Variants in RUFY2 observed in about 807,000 individuals in gnomAD.
RUFY2 encodes the protein RUN and FYVE domain-containing protein 2.
A neutral mutation model predicts 94.4 loss-of-function variants in RUFY2; 49 were observed. The ratio of observed to expected loss-of-function variants is 0.52; its 90% CI spans 0.41 to 0.66. The LOEUF (loss-of-function observed/expected upper bound fraction) is 0.66. Among genes scored for constraint, RUFY2 ranks in the 30% least tolerant of loss-of-function variants. The pLI, the probability that RUFY2 is intolerant of heterozygous loss-of-function variation, is 0.00. For missense variants in RUFY2, 541 were observed against 692.8 expected, an observed-to-expected ratio of 0.78 and a Z score of 2.46; for synonymous variants, 255 against 235.7, an observed-to-expected ratio of 1.08 and a Z score of -0.75.
chr10:68,347,067 T>G (rs1437855984), intron 16 of RUFY2, among the ~76,000 whole-genome samples: 2 of 151,828 alleles, frequency 1.3e-5, no homozygotes, highest in African/African-American at 2.4e-5. Context: ...TGCAGTGAAC[T>G]ATGACTCAGG....
intron 1 of RUFY2, chr10:68,406,985 C>A: frequency 6.5e-7 from 1 of 1,527,966 alleles, no homozygotes; most frequent in South Asian, 1.2e-5. Context: ...CGGGAACGGG[C>A]CGGAACAAGG....
chr10:68,407,020 C>A, intron 1 of RUFY2, 166 bp downstream of exon 1: 1 of 1,487,256 alleles, frequency 6.7e-7, no homozygotes, highest in Non-Finnish European at 8.9e-7. Flanking sequence ...CCATGACGAC[C>A]CCGGGAGCCC....
intron 4 of RUFY2, 110 bp downstream of exon 4, chr10:68,396,670 T>C (rs1052161770): frequency 6.4e-6 from 4 of 627,286 alleles, no homozygotes; most frequent in Admixed American, 3.0e-5. Context: ...TTATTTTATA[T>C]CATTTTATTA....
intron 13 of RUFY2, among the ~76,000 whole-genome samples, chr10:68,375,213 C>CA (rs2048543428): frequency 6.8e-6 from 1 of 146,440 alleles, no homozygotes; most frequent in Non-Finnish European, 1.5e-5. Context: ...AACAACACAG[C>CA]AAGACTCCAT....
chr10:68,395,293 G>A (rs948145266), intron 4 of RUFY2, among the ~76,000 whole-genome samples: 2 of 151,178 alleles, frequency 1.3e-5, no homozygotes, highest in South Asian at 2.1e-4. Context: ...AGCCAAGATC[G>A]CACCACTGCA....
rs572919870 is a variant in RUFY2 at position 68,396,419 on chromosome 10, A to T, written c.398+361T>A. Among the ~76,000 whole-genome samples the T allele has an allele frequency of 4.6e-5, 7 of 152,316 alleles. No homozygotes were observed. The East Asian group carries it at 1.3e-3, about 29-fold the overall frequency. On this transcript the variant is annotated intron_variant, in intron 4 of 17. Transcript: ENST00000602465. Reference sequence around the variant, plus strand: ...TGAAATTAAAGCCACAAATTCCAACACAAATTTTTATCCATAGAATTAACC... The same window carrying T: ...TGAAATTAAAGCCACAAATTCCAACTCAAATTTTTATCCATAGAATTAACC...
intron 17 of RUFY2, 24 bp from the exon 18 acceptor site, chr10:68,345,935 G>GA (rs758003535): frequency 3.7e-6 from 6 of 1,610,090 alleles, no homozygotes; most frequent in Admixed American, 1.7e-5. Context: ...AAATCAGAGG[G>GA]AAAAAAACAC....
chr10:68,376,489 T>TATATATATATATATATATTC lies in RUFY2; in HGVS notation c.1325+363_1325+364insGAATATATATATATATATAT, dbSNP rs58358117. Among the ~76,000 whole-genome samples the TATATATATATATATATATTC allele has an allele frequency of 3.7e-3, 190 of 51,818 alleles. 62 individuals are homozygous for TATATATATATATATATATTC. Among genetic ancestry groups the TATATATATATATATATATTC allele is most frequent in the Non-Finnish European group, 5.5e-3 (138 of 24,888 alleles). The allele number at this position is 51,818 out of a possible 152,430, so 34.0% of individuals were successfully genotyped here. ...ATATATATATATATATATATATATA[T>TATATATATATATATATATTC]ATTCTCAGAAAACAGCATGTCCTTT... On this transcript the variant is annotated intron_variant, in intron 13 of 17. Coordinates refer to ENST00000602465, the MANE Select transcript of RUFY2 (RefSeq NM_001330103.2).
intron 13 of RUFY2, among the ~76,000 whole-genome samples, chr10:68,366,589 A>G (rs1478921375): frequency 8.4e-6 from 1 of 119,680 alleles, no homozygotes; most frequent in East Asian, 2.6e-4. Context: ...CTAAAAATAC[A>G]AAAATAGCCA....
In RUFY2 at chr10:68,343,454, A is replaced by C. The variant is rs1189761561; in HGVS notation, c.*2314T>G. 2 of 152,582 alleles carry C rather than the reference A, an allele frequency of 1.3e-5. No homozygotes were observed. 9.5% of individuals were successfully genotyped at this position (152,582 alleles called of 1,614,324 possible). A position where few individuals can be genotyped will look rare whatever the true frequency, so the allele number is the denominator to read the frequency against. ...TTTATTTTCCCAGGATTACTCTCTT[A>C]ACATCTTAAAGCAGTAAAAGTATAC... On this transcript the variant is annotated 3_prime_UTR_variant, in exon 18 of 18. Coordinates refer to ENST00000602465, the MANE Select transcript of RUFY2 (RefSeq NM_001330103.2).
chr10:68,375,658 C>T (rs991348148), intron 13 of RUFY2, among the ~76,000 whole-genome samples: 1 of 151,832 alleles, frequency 6.6e-6, no homozygotes, highest in Non-Finnish European at 1.5e-5. Flanking sequence ...TGCCTGTAGT[C>T]CCAGCTACTC....
At chr10:68,377,951 T>C in intron 12 of RUFY2, 1 of 985,388 alleles carries the variant, frequency 1.0e-6, no homozygotes, top group Non-Finnish European at 1.2e-6. Flanking sequence ...TTAAGTTATC[T>C]CCAAATCCAA....
At chr10:68,355,913 C>CAA (rs368423105) in intron 15 of RUFY2, among the ~76,000 whole-genome samples, 12 of 76,702 alleles carry the variant, frequency 1.6e-4, no homozygotes, top group African/African-American at 2.1e-4. Context: ...GACTCCATCT[C>CAA]AAAAAAAAAA....
chr10:68,368,042 T>C (rs1012538732), intron 13 of RUFY2, among the ~76,000 whole-genome samples: 2 of 150,734 alleles, frequency 1.3e-5, no homozygotes, highest in Non-Finnish European at 2.9e-5. Flanking sequence ...CTCAGCGCAC[T>C]GCAACCTCCG....
rs1433186565 is a variant in RUFY2, at chr10:68,381,236, A to C, written c.1103T>G (p.Leu368Trp). The C allele has an allele frequency of 6.2e-7, 1 of 1,601,902 alleles. No individual in the cohort carries two copies. Among genetic ancestry groups the C allele is most frequent in the Admixed American group, 1.7e-5 (1 of 58,004 alleles). ...AAATTTAAGAACAATCCTTACCTGC[A>C]ACTTTTGATACATCTCTATGTTAAT... Reference protein sequence around the residue: ...KAINIEMYQKLQGSEDGLKEK... With the variant: ...KAINIEMYQKWQGSEDGLKEK... The change falls in exon 11 of 18, where the codon TTG becomes TGG. Residue 368 changes from leucine (L) to tryptophan (W), a missense_variant. Transcript: ENST00000602465.
intron 12 of RUFY2, chr10:68,378,788 A>G: frequency 1.5e-6 from 1 of 667,076 alleles, no homozygotes; most frequent in South Asian, 2.1e-5. Context: ...TGTCAATAAA[A>G]GAATATTCAT....
intron 16 of RUFY2, among the ~76,000 whole-genome samples, chr10:68,354,997 C>A (rs777382237): frequency 1.3e-5 from 2 of 152,130 alleles, no homozygotes; most frequent in Admixed American, 1.3e-4. Flanking sequence ...CAGGCACCCA[C>A]TACCACACTC....
intron 13 of RUFY2, among the ~76,000 whole-genome samples, chr10:68,364,623 A>C (rs527984438): frequency 6.6e-6 from 1 of 152,314 alleles, no homozygotes; most frequent in East Asian, 1.9e-4. Context: ...TACTGTTGGA[A>C]GCTGACCAAT....
chr10:68,386,564 G>T (rs139254761), intron 7 of RUFY2, among the ~76,000 whole-genome samples: 8,569 of 152,136 alleles, frequency 0.056, 499 homozygotes, highest in South Asian at 0.19. Context: ...TGGTCAGGCT[G>T]GTCTTGAACT....
Sources: allele counts gnomAD v4.1 joint callset (sites outside exome capture counted in the v4.1 genomes callset), GRCh38; gene constraint gnomAD v4.1.1; transcripts MANE v1.5; gene names NCBI Gene and HGNC (gene_info 2026-07-23, HGNC 2026-07-21).